Variants in ERC1 observed in about 807,000 individuals in gnomAD.
The protein encoded by ERC1 is RAB6 interacting protein 2.
A neutral mutation model predicts 132.0 loss-of-function variants in ERC1; 56 were observed. The ratio of observed to expected loss-of-function variants is 0.42; its 90% CI spans 0.34 to 0.53. The LOEUF (loss-of-function observed/expected upper bound fraction) is 0.53. ERC1 is among the 20% of genes least tolerant of loss of function. ERC1 has a pLI of 0.03. For missense variants in ERC1, 1,202 were observed against 1,349.9 expected, an observed-to-expected ratio of 0.89 and a Z score of 1.72; for synonymous variants, 478 against 476.1, an observed-to-expected ratio of 1.00 and a Z score of -0.05.
intron 3 of ERC1, among the ~76,000 whole-genome samples, chr12:1,094,676 C>G (rs1182392691): frequency 6.6e-6 from 1 of 152,116 alleles, no homozygotes; most frequent in Non-Finnish European, 1.5e-5. Flanking sequence ...TTCCCAAATG[C>G]TAGGATTACG....
intron 12 of ERC1, among the ~76,000 whole-genome samples, chr12:1,220,107 T>C (rs78587980): frequency 3.2e-3 from 482 of 152,292 alleles, no homozygotes; most frequent in Non-Finnish European, 5.0e-3. Context: ...TTTGTAGTTA[T>C]GATTCTCTGT....
chr12:1,373,539 TG>T (rs932210445), intron 16 of ERC1, among the ~76,000 whole-genome samples: 3 of 152,232 alleles, frequency 2.0e-5, no homozygotes, highest in African/African-American at 7.2e-5. Flanking sequence ...CCCAGCACTT[TG>T]GGAGGCCAAG....
chr12:1,210,844 A>T (rs879274903), intron 12 of ERC1, among the ~76,000 whole-genome samples: 2 of 151,978 alleles, frequency 1.3e-5, no homozygotes, highest in Admixed American at 6.6e-5. Flanking sequence ...AAAATACAAA[A>T]ATTAGTTGGG....
intron 17 of ERC1, among the ~76,000 whole-genome samples, chr12:1,442,479 T>C (rs1188685333): frequency 6.6e-6 from 1 of 152,166 alleles, no homozygotes; most frequent in African/African-American, 2.4e-5. Context: ...TTGGTGTTTA[T>C]CGTTTATCCT....
intron 18 of ERC1, among the ~76,000 whole-genome samples, chr12:1,473,001 C>T (rs2093894131): frequency 6.6e-6 from 1 of 152,058 alleles, no homozygotes; most frequent in African/African-American, 2.4e-5. Flanking sequence ...GATAGACAGA[C>T]CCGAATGGAG....
intron 16 of ERC1, chr12:1,385,924 A>T (rs181891049): frequency 1.3e-5 from 2 of 152,164 alleles, no homozygotes; most frequent in Admixed American, 1.3e-4. Context: ...TATTACCATA[A>T]TGATATAACT....
intron 18 of ERC1, among the ~76,000 whole-genome samples, chr12:1,451,459 A>G (rs2093423372): frequency 6.8e-6 from 1 of 147,862 alleles, no homozygotes; most frequent in Admixed American, 6.6e-5. Context: ...AAAAATTTAA[A>G]TTTAAATTTA....
At chr12:1,016,571 C>T (rs140563186) in intron 1 of ERC1, among the ~76,000 whole-genome samples, 204 of 150,044 alleles carry the variant, frequency 1.4e-3, no homozygotes, top group African/African-American at 4.7e-3. Flanking sequence ...TGGGGTGAGG[C>T]GAGACTGGGG....
At chr12:1,283,216 A>G (rs1398606588) in intron 14 of ERC1, among the ~76,000 whole-genome samples, 1 of 152,156 alleles carries the variant, frequency 6.6e-6, no homozygotes, top group African/African-American at 2.4e-5. Flanking sequence ...TCTGCTTATT[A>G]TGTTACTGAA....
chr12:1,045,594 G>T (rs1970961638), intron 2 of ERC1, among the ~76,000 whole-genome samples: 1 of 151,712 alleles, frequency 6.6e-6, no homozygotes, highest in Admixed American at 6.6e-5. Flanking sequence ...TCATTTATAG[G>T]TGAGGAAATT....
At chr12:1,302,768 C>G (rs1234688378) in intron 15 of ERC1, among the ~76,000 whole-genome samples, 1 of 152,000 alleles carries the variant, frequency 6.6e-6, no homozygotes, top group Non-Finnish European at 1.5e-5. Flanking sequence ...GAGTTCAGGA[C>G]CAGCCTGGGC....
At chr12:1,256,289 T>A (rs1296166837) in intron 13 of ERC1, among the ~76,000 whole-genome samples, 3 of 151,760 alleles carry the variant, frequency 2.0e-5, no homozygotes, top group East Asian at 1.9e-4. Context: ...TTTTTTTTTT[T>A]TATAACTTTT....
intron 7 of ERC1, among the ~76,000 whole-genome samples, chr12:1,138,105 ATATAAT>A (rs1949471094): frequency 8.0e-6 from 1 of 125,536 alleles, no homozygotes; most frequent in Non-Finnish European, 1.6e-5. Flanking sequence ...CCATATTATA[ATATAAT>A]TATATTTAAT....
At chr12:1,112,476 C>T (rs1945998320) in intron 6 of ERC1, among the ~76,000 whole-genome samples, 178 bp downstream of exon 6, 2 of 152,226 alleles carry the variant, frequency 1.3e-5, no homozygotes, top group South Asian at 4.1e-4. Context: ...GTTTGACCCA[C>T]ATGTCACTTT....
At chr12:1,041,938 G>A (rs1248073555) in intron 2 of ERC1, among the ~76,000 whole-genome samples, 2 of 151,674 alleles carry the variant, frequency 1.3e-5, no homozygotes, top group East Asian at 1.9e-4. Flanking sequence ...TAGTAGAGAC[G>A]GGGTGTTGCC....
intron 7 of ERC1, among the ~76,000 whole-genome samples, chr12:1,119,500 T>C (rs1946822708): frequency 6.6e-6 from 1 of 150,494 alleles, no homozygotes; most frequent in South Asian, 2.1e-4. Context: ...AGGAGTTACT[T>C]TACTTCTTCT....
At chr12:1,381,847 C>A (rs1566728345) in intron 16 of ERC1, among the ~76,000 whole-genome samples, 1 of 152,184 alleles carries the variant, frequency 6.6e-6, no homozygotes, top group Non-Finnish European at 1.5e-5. Context: ...CAAAGCCATT[C>A]TGTGCTTTTT....
At chr12:1,212,477 A>G (rs1327362539) in intron 12 of ERC1, among the ~76,000 whole-genome samples, 3 of 152,212 alleles carry the variant, frequency 2.0e-5, no homozygotes, top group East Asian at 3.9e-4. Flanking sequence ...CTTGTTATAT[A>G]CTGTATTTCC....
At chr12:1,197,141 C>T (rs1428846594) in intron 12 of ERC1, among the ~76,000 whole-genome samples, 1 of 151,600 alleles carries the variant, frequency 6.6e-6, no homozygotes, top group East Asian at 1.9e-4. Flanking sequence ...CCACCATGCC[C>T]AGCTAATTTT....
Sources: allele counts gnomAD v4.1 joint callset (sites outside exome capture counted in the v4.1 genomes callset), GRCh38; gene constraint gnomAD v4.1.1; transcripts MANE v1.5; gene names NCBI Gene and HGNC (gene_info 2026-07-23, HGNC 2026-07-21).